POU6F2: variants seen among roughly 807,000 people sequenced by gnomAD.
The protein encoded by POU6F2 is POU domain, class 6, transcription factor 2.
In POU6F2, 31 loss-of-function variants were observed where a neutral mutation model predicts 71.3. The observed-to-expected ratio is 0.43, with a 90% confidence interval of 0.33 to 0.59. The LOEUF is 0.59. Among genes scored for constraint, POU6F2 ranks in the 20% least tolerant of loss-of-function variants. The pLI is 0.04. For missense variants in POU6F2, 783 were observed against 856.8 expected (o/e 0.91, Z 1.07); for synonymous variants, 347 against 355.7 (o/e 0.98, Z 0.27).
chr7:39,186,896 A>G (rs1286078946), intron 2 of POU6F2, among the ~76,000 whole-genome samples: 1 of 152,148 alleles, frequency 6.6e-6, no homozygotes, highest in African/African-American at 2.4e-5. Context: ...GAATCTCAGT[A>G]TCTTGTCAGA....
chr7:39,023,140 G>A (rs1271775522), intron 1 of POU6F2, among the ~76,000 whole-genome samples: 1 of 151,944 alleles, frequency 6.6e-6, no homozygotes, highest in Admixed American at 6.6e-5. Flanking sequence ...TTGTATATCT[G>A]TGTTTTAAAA....
At chr7:39,382,405 G>A (rs549503502) in intron 5 of POU6F2, among the ~76,000 whole-genome samples, 1 of 152,336 alleles carries the variant, frequency 6.6e-6, no homozygotes, top group South Asian at 2.1e-4. Flanking sequence ...TCAGACCTGG[G>A]CCAGCAGGAT....
intron 1 of POU6F2, among the ~76,000 whole-genome samples, chr7:39,017,457 T>C (rs1789583638): frequency 6.6e-6 from 1 of 152,184 alleles, no homozygotes; most frequent in African/African-American, 2.4e-5. Context: ...TTCTCCTTTG[T>C]TTGCCCATGA....
At chr7:39,246,922 T>TTTTTTTTTTTTTTTTTTTC (rs1783831338) in intron 4 of POU6F2, among the ~76,000 whole-genome samples, 1 of 147,532 alleles carries the variant, frequency 6.8e-6, no homozygotes, top group African/African-American at 2.5e-5. Flanking sequence ...TTTTTTTTTT[T>TTTTTTTTTTTTTTTTTTTC]TTTTTTGCGA....
chr7:39,421,061 C>G (rs913253583), intron 6 of POU6F2, among the ~76,000 whole-genome samples: 1 of 151,988 alleles, frequency 6.6e-6, no homozygotes, highest in African/African-American at 2.4e-5. Context: ...TATATCCAGC[C>G]CTCTTTCCAT....
At chr7:39,287,986 G>A (rs2128761376) in intron 4 of POU6F2, among the ~76,000 whole-genome samples, 1 of 152,272 alleles carries the variant, frequency 6.6e-6, no homozygotes, top group East Asian at 1.9e-4. Flanking sequence ...TGCTGACTGG[G>A]AAATTCTGGA....
intron 2 of POU6F2, among the ~76,000 whole-genome samples, chr7:39,107,357 A>G (rs549233671): frequency 6.6e-6 from 1 of 152,230 alleles, no homozygotes; most frequent in African/African-American, 2.4e-5. Flanking sequence ...TTATTGTTTC[A>G]TATGAGCTCT....
chr7:39,200,111 T>C (rs1016591536), intron 2 of POU6F2, among the ~76,000 whole-genome samples: 5 of 152,158 alleles, frequency 3.3e-5, no homozygotes, highest in African/African-American at 9.7e-5. Flanking sequence ...ATAAAGAAGC[T>C]TGGAAGGCCA....
At chr7:39,089,255 A>G (rs539209252) in intron 2 of POU6F2, among the ~76,000 whole-genome samples, 1 of 152,276 alleles carries the variant, frequency 6.6e-6, no homozygotes, top group Non-Finnish European at 1.5e-5. Context: ...TCATTAAGTG[A>G]TGCATTATTT....
At chr7:39,212,377 G>C (rs1389683104) in intron 4 of POU6F2, among the ~76,000 whole-genome samples, 1 of 152,152 alleles carries the variant, frequency 6.6e-6, no homozygotes, top group African/African-American at 2.4e-5. Context: ...TGAGGTTTAG[G>C]TTCTGAGTGT....
intron 5 of POU6F2, among the ~76,000 whole-genome samples, chr7:39,403,413 T>C (rs191957740): frequency 7.9e-5 from 12 of 152,218 alleles, no homozygotes; most frequent in African/African-American, 2.9e-4. Context: ...GAATTCATCA[T>C]GTCTTTTAAG....
At chr7:39,266,695 C>CTTTTTTT in intron 4 of POU6F2, among the ~76,000 whole-genome samples, 1 of 105,104 alleles carries the variant, frequency 9.5e-6, no homozygotes, top group Non-Finnish European at 1.8e-5. Flanking sequence ...CGCACCTGGC[C>CTTTTTTT]TTTTTTTTTT....
chr7:39,200,543 G>A (rs1342035581), intron 2 of POU6F2, among the ~76,000 whole-genome samples: 1 of 152,100 alleles, frequency 6.6e-6, no homozygotes, highest in Admixed American at 6.6e-5. Flanking sequence ...AGTTCCAAAC[G>A]TTCATCCAGT....
At chr7:39,226,721 C>T (rs1224935542) in intron 4 of POU6F2, among the ~76,000 whole-genome samples, 2 of 152,106 alleles carry the variant, frequency 1.3e-5, no homozygotes, top group Non-Finnish European at 2.9e-5. Flanking sequence ...GCCCATTTTT[C>T]TCCCTTTTTA....
At chr7:39,378,696 G>T (rs1786759417) in intron 5 of POU6F2, among the ~76,000 whole-genome samples, 1 of 152,170 alleles carries the variant, frequency 6.6e-6, no homozygotes, top group African/African-American at 2.4e-5. Flanking sequence ...GGCTACATTG[G>T]TTATCATCCT....
chr7:38,978,102 G>T (rs1454730942), intron 1 of POU6F2, 44 bp downstream of exon 1: 3 of 152,062 alleles, frequency 2.0e-5, no homozygotes, highest in Non-Finnish European at 4.4e-5. Flanking sequence ...TTCCACAAGG[G>T]TCTCACCATA....
intron 4 of POU6F2, 77 bp downstream of exon 4, chr7:39,207,697 T>C: frequency 7.4e-7 from 1 of 1,347,274 alleles, no homozygotes; most frequent in South Asian, 1.3e-5. Context: ...AAAAAAAATG[T>C]GCCTAGAATG....
chr7:39,082,670 T>C (rs981221335), intron 1 of POU6F2, among the ~76,000 whole-genome samples: 1 of 151,994 alleles, frequency 6.6e-6, no homozygotes, highest in Non-Finnish European at 1.5e-5. Flanking sequence ...CCATCACTTA[T>C]AAGTCTGTAC....
chr7:39,009,550 C>G (rs1299620174), intron 1 of POU6F2, among the ~76,000 whole-genome samples: 1 of 152,134 alleles, frequency 6.6e-6, no homozygotes, highest in African/African-American at 2.4e-5. Context: ...CCAAAACTTC[C>G]AACACTATGT....
Sources: gnomAD v4.1 joint callset for allele counts (sites outside exome capture counted in the v4.1 genomes callset) on GRCh38, gnomAD v4.1.1 for gene constraint, MANE v1.5 for transcripts, NCBI Gene and HGNC (gene_info 2026-07-23, HGNC 2026-07-21) for gene names.